STARD13: variants seen among roughly 807,000 people sequenced by gnomAD.
The protein encoded by STARD13 is StAR related lipid transfer domain containing 13.
In STARD13, 62 loss-of-function variants were observed where a neutral mutation model predicts 106.4. The ratio of observed to expected loss-of-function variants is 0.58; its 90% CI spans 0.48 to 0.72. The LOEUF (loss-of-function observed/expected upper bound fraction) is 0.72, where lower values mean the gene tolerates loss of function less well. Among genes scored for constraint, STARD13 ranks in the 30% least tolerant of loss-of-function variants. The pLI is 0.00. For missense variants in STARD13, 1,387 were observed against 1,424.0 expected (o/e 0.97, Z 0.42); for synonymous variants, 565 against 553.0 (o/e 1.02, Z -0.31).
At chr13:33,247,687 C>T (rs1034513694) in intron 1 of STARD13, among the ~76,000 whole-genome samples, 2 of 151,964 alleles carry the variant, frequency 1.3e-5, no homozygotes, top group South Asian at 4.2e-4. Flanking sequence ...TTAGATATCC[C>T]AGTTATATAT....
the STARD13 span, among the ~76,000 whole-genome samples, chr13:33,438,826 G>T: frequency 2.0e-5 from 3 of 152,174 alleles, no homozygotes; most frequent in African/African-American, 7.2e-5. Flanking sequence ...ATAGAAAAAT[G>T]AGTGTATAAA....
At chr13:33,465,281 C>G in the STARD13 span, among the ~76,000 whole-genome samples, 3 of 148,156 alleles carry the variant, frequency 2.0e-5, no homozygotes, top group Non-Finnish European at 1.5e-5. Flanking sequence ...TCTCGGCTCA[C>G]TGCAAGCTCC....
At chr13:33,519,852 A>G in the STARD13 span, 1 of 152,152 alleles carries the variant, frequency 6.6e-6, no homozygotes, top group Non-Finnish European at 1.5e-5. Flanking sequence ...AGCCAACTCA[A>G]CACAAAAACA....
At chr13:33,185,211 C>A (rs1339279420) in intron 1 of STARD13, among the ~76,000 whole-genome samples, 1 of 152,202 alleles carries the variant, frequency 6.6e-6, no homozygotes, top group Non-Finnish European at 1.5e-5. Flanking sequence ...CCTTAAAGAA[C>A]TGAGACACAC....
At chr13:33,354,638 C>T (rs754474428), upstream of STARD13, among the ~76,000 whole-genome samples, 1 of 152,052 alleles carries the variant, frequency 6.6e-6, no homozygotes, top group Non-Finnish European at 1.5e-5. Context: ...ATGACTATTC[C>T]TATAGTTTTA....
chr13:33,628,461 G>T, the STARD13 span, among the ~76,000 whole-genome samples: 1 of 152,162 alleles, frequency 6.6e-6, no homozygotes, highest in Non-Finnish European at 1.5e-5. Context: ...GAATTACATT[G>T]TAAGGAACCT....
rs190406226 is a variant in STARD13 at position 33,206,344 on chromosome 13, G to A, written c.170-38722C>T. Reference sequence around the variant, plus strand: ...GGTTTTTCCATGCCTAATAAGACTCGAAAGAAGATGCCCATGACTGAAACA... The same window carrying A: ...GGTTTTTCCATGCCTAATAAGACTCAAAAGAAGATGCCCATGACTGAAACA... On this transcript the variant is annotated intron_variant, in intron 1 of 13. Coordinates refer to ENST00000336934, the MANE Select transcript of STARD13 (RefSeq NM_178006.4). 4.7e-5 allele frequency among the ~76,000 whole-genome samples: 7 copies of A among 147,928 alleles called. No homozygotes were observed. The East Asian group carries it at 7.8e-4, about 17-fold the overall frequency.
intron 1 of STARD13, among the ~76,000 whole-genome samples, chr13:33,284,719 T>C (rs1312009965): frequency 6.0e-5 from 9 of 149,102 alleles, no homozygotes; most frequent in African/African-American, 1.7e-4. Flanking sequence ...ATAAGGAGCA[T>C]GTTTTAAATT....
chr13:33,236,881 T>A (rs1334403403), intron 1 of STARD13, among the ~76,000 whole-genome samples: 3 of 152,352 alleles, frequency 2.0e-5, no homozygotes, highest in Middle Eastern at 3.4e-3. Context: ...GCAGTTGGTA[T>A]AAATTCATTC....
Position 33,191,354 on chromosome 13 carries a change from C to T in STARD13, c.170-23732G>A, listed in dbSNP as rs61357611. ...TATGACCTTGGGCACAAAACTTTAC[C>T]CTATCTGATTTTAATCTTCTCACCA... On this transcript the variant is annotated intron_variant, in intron 1 of 13. Coordinates refer to ENST00000336934, the MANE Select transcript of STARD13 (RefSeq NM_178006.4). Among the ~76,000 whole-genome samples, 1,318 of 152,220 alleles carry T rather than the reference C, an allele frequency of 8.7e-3. 20 individuals are homozygous for T. Among genetic ancestry groups the T allele is most frequent in the African/African-American group, 0.03 (1,248 of 41,532 alleles).
At chr13:33,373,055 C>CT in the STARD13 span, among the ~76,000 whole-genome samples, 1 of 152,102 alleles carries the variant, frequency 6.6e-6, no homozygotes, top group East Asian at 1.9e-4. Flanking sequence ...TTTTATTATG[C>CT]TACAAGCCCT....
chr13:33,190,371 T>C (rs1886156445), intron 1 of STARD13, among the ~76,000 whole-genome samples: 1 of 152,094 alleles, frequency 6.6e-6, no homozygotes, highest in Non-Finnish European at 1.5e-5. Context: ...CAGTAAGCTA[T>C]GATCCTATCA....
At chr13:33,384,245 C>T in the STARD13 span, among the ~76,000 whole-genome samples, 1 of 152,180 alleles carries the variant, frequency 6.6e-6, no homozygotes, top group Admixed American at 6.5e-5. Context: ...TAGCTTCTTC[C>T]TTTAGCTTTA....
the STARD13 span, among the ~76,000 whole-genome samples, chr13:33,362,761 G>A: frequency 6.6e-5 from 10 of 152,110 alleles, no homozygotes; most frequent in African/African-American, 2.4e-4. Flanking sequence ...TGACCAGAAC[G>A]TATGTCCACA....
chr13:33,197,727 A>T (rs909010126), intron 1 of STARD13, among the ~76,000 whole-genome samples: 8 of 152,156 alleles, frequency 5.3e-5, no homozygotes, highest in African/African-American at 1.9e-4. Flanking sequence ...CCGTCCTTAC[A>T]TTAGTATGTA....
chr13:33,478,981 T>A, the STARD13 span, among the ~76,000 whole-genome samples: 196 of 152,192 alleles, frequency 1.3e-3, no homozygotes, highest in Admixed American at 0.011. Flanking sequence ...GTTAAATATA[T>A]CCCATTCAAA....
rs563259079 is a variant in STARD13, at chr13:33,149,466, T to C, written c.324-7093A>G. 4.6e-5 allele frequency among the ~76,000 whole-genome samples: 7 copies of C among 152,364 alleles called. No individual in the cohort carries two copies. The South Asian group carries it at 1.0e-3, about 23-fold the overall frequency. On this transcript the variant is annotated intron_variant, in intron 3 of 13. Coordinates refer to ENST00000336934, the MANE Select transcript of STARD13 (RefSeq NM_178006.4). The stretch of plus-strand genomic sequence containing the variant: ...GAAATTACTGATGTAAAATTATCTA[T>C]GTGTCTTCTGTTCTTGGTTTACTTG...
chr13:33,107,005 GT>G, intron 12 of STARD13, 71 bp from the exon 13 acceptor site: 1 of 1,446,822 alleles, frequency 6.9e-7, no homozygotes, highest in African/African-American at 1.4e-5. Flanking sequence ...CAGAGCTAAG[GT>G]TTGTGTTTAT....
At chr13:33,583,900 G>C in the STARD13 span, among the ~76,000 whole-genome samples, 1 of 150,428 alleles carries the variant, frequency 6.6e-6, no homozygotes, top group Non-Finnish European at 1.5e-5. Context: ...CCATCTTTCA[G>C]TTATTACGAA....
Sources: gnomAD v4.1 joint callset for allele counts (sites outside exome capture counted in the v4.1 genomes callset) on GRCh38, gnomAD v4.1.1 for gene constraint, MANE v1.5 for transcripts, NCBI Gene and HGNC (gene_info 2026-07-23, HGNC 2026-07-21) for gene names.